The following CCDC47 variants were observed in gnomAD, a reference collection of about 807,000 sequenced individuals.
The protein encoded by CCDC47 is coiled-coil domain containing 47.
CCDC47 carries 41 observed loss-of-function variants against 60.5 expected under a neutral mutation model. The observed-to-expected ratio is 0.68, with a 90% confidence interval of 0.53 to 0.88. The LOEUF (loss-of-function observed/expected upper bound fraction) is 0.88, where lower values mean the gene tolerates loss of function less well. Among genes scored for constraint, CCDC47 ranks in the 40% least tolerant of loss-of-function variants. CCDC47 has a pLI of 0.00. For synonymous variants in CCDC47, 195 were observed against 190.7 expected (o/e 1.02, Z -0.18); for missense variants, 513 against 580.9 (o/e 0.88, Z 1.20).
At chr17:63,761,405 G>C in intron 4 of CCDC47, 54 bp from the exon 5 acceptor site, 1 of 1,607,780 alleles carries the variant, frequency 6.2e-7, no homozygotes. Flanking sequence ...GGCCGGGCCG[G>C]GGGTGGTGGC....
At position 63,760,962 on chromosome 17, in the gene CCDC47, G is replaced by C. The variant is rs1293011237; in HGVS notation, c.687C>G (p.Asp229Glu). Residue 229 changes from aspartate to glutamate, a missense_variant, in exon 6 of 13, where the codon GAC becomes GAG. Transcript: ENST00000225726. ...LIQLRFLKRQ[D>E]LLNVLARMMR... is the part of the protein sequence containing the mutation. ...TCATCCGGGCCAGGACATTCAGTAA[G>C]TCTTGTCTCTTGAGGAACTGAAAAA... 6.2e-7 allele frequency: 1 copy of C among 1,613,338 alleles called. No individual in the cohort carries two copies. Among genetic ancestry groups the C allele is most frequent in the Non-Finnish European group, 8.5e-7 (1 of 1,179,626 alleles).
chr17:63,761,962 A>C, intron 4 of CCDC47: 1 of 730,006 alleles, frequency 1.4e-6, no homozygotes, highest in South Asian at 6.2e-5. Flanking sequence ...GAAAAAAATC[A>C]GTTGAAATAT....
chr17:63,753,101 T>C (rs534109651), intron 9 of CCDC47: 1 of 358,626 alleles, frequency 2.8e-6, no homozygotes, highest in Non-Finnish European at 3.9e-6. Flanking sequence ...TATTTAAGTA[T>C]GAGGCCCATA....
chr17:63,764,754 T>G lies in CCDC47; in HGVS notation c.358A>C (p.Ile120Leu). Reference protein sequence around the residue: ...DTSSSKNKDPITIVDVPAHLQ... With the variant: ...DTSSSKNKDPLTIVDVPAHLQ... The stretch of plus-strand genomic sequence containing the variant: ...TGGATACCTACATCAACAATCGTTA[T>G]TGGGTCTTTATTTTTGCTAGAAGAA... Residue 120 changes from isoleucine to leucine, a missense_variant, in exon 3 of 13, where the codon ATA becomes CTA. Transcript: ENST00000225726. 6.2e-7 allele frequency: 1 copy of G among 1,612,804 alleles called. No individual in the cohort carries two copies. The highest frequency in any genetic ancestry group is 2.2e-5 in the East Asian group (1 of 44,840).
intron 4 of CCDC47, among the ~76,000 whole-genome samples, chr17:63,763,200 C>A (rs543934579): frequency 2.6e-5 from 4 of 152,086 alleles, no homozygotes. Flanking sequence ...TGGAATTACA[C>A]GTGTGAGCCA....
In CCDC47 at chr17:63,763,792, C is replaced by T. The variant is rs924335820; in HGVS notation, c.547+224G>A. On this transcript the variant is annotated intron_variant, in intron 4 of 12. Coordinates refer to ENST00000225726, the MANE Select transcript of CCDC47 (RefSeq NM_020198.3). ...TGAGCCGAGATCGCGCCACTGCACT[C>T]CAGCCTGGTGACAGAGTGAGACTCC... Among the ~76,000 whole-genome samples the T allele has an allele frequency of 2.0e-5, 3 of 151,332 alleles. No individual in the cohort carries two copies. In the South Asian group the frequency reaches 6.3e-4, roughly 32 times the overall value.
At chr17:63,770,560 A>G (rs117082006) in intron 1 of CCDC47, among the ~76,000 whole-genome samples, 2,381 of 152,158 alleles carry the variant, frequency 0.016, 26 homozygotes, top group Non-Finnish European at 0.025. Context: ...AATATGTACT[A>G]CTCTTTCAAG....
intron 12 of CCDC47, among the ~76,000 whole-genome samples, chr17:63,749,908 T>C (rs1196204496): frequency 6.6e-6 from 1 of 152,016 alleles, no homozygotes; most frequent in East Asian, 1.9e-4. Flanking sequence ...CGAGCTACGA[T>C]TTTGCCACTG....
chr17:63,758,847 T>C (rs2039227576), intron 6 of CCDC47, among the ~76,000 whole-genome samples: 1 of 152,156 alleles, frequency 6.6e-6, no homozygotes, highest in South Asian at 2.1e-4. Flanking sequence ...CTTCCATCAT[T>C]GATGGGAAAT....
At chr17:63,765,209 A>G (rs2039289075) in intron 2 of CCDC47, 1 of 153,374 alleles carries the variant, frequency 6.5e-6, no homozygotes, top group African/African-American at 2.4e-5. Flanking sequence ...TATTGTATGT[A>G]GAGGTATACC....
chr17:63,754,839 C>T (rs147290577), intron 8 of CCDC47, among the ~76,000 whole-genome samples: 30 of 150,294 alleles, frequency 2.0e-4, no homozygotes, highest in African/African-American at 6.4e-4. Flanking sequence ...GCAGAGACCA[C>T]GCCACTGTAC....
At chr17:63,765,020 GA>G (rs770901855) in intron 2 of CCDC47, 173 bp from the exon 3 acceptor site, 396 of 967,212 alleles carry the variant, frequency 4.1e-4, no homozygotes, top group Non-Finnish European at 4.7e-4. Flanking sequence ...CTTAAAATGA[GA>G]AAGTTCTGAA....
intron 12 of CCDC47, chr17:63,747,184 G>A (rs1281943609): frequency 1.3e-5 from 13 of 983,602 alleles, no homozygotes; most frequent in Non-Finnish European, 1.6e-5. Flanking sequence ...TGAAGCAAAG[G>A]TAAACTAAAA....
intron 12 of CCDC47, chr17:63,747,284 G>T (rs1190245348): frequency 1.0e-6 from 1 of 984,686 alleles, no homozygotes; most frequent in Non-Finnish European, 1.2e-6. Context: ...TTAGCCTGAT[G>T]TTCACCATAC....
In CCDC47 at chr17:63,771,045, G is replaced by GAAGGAAGGAAGGAAGGAAGGAAGAAAGA. The variant is rs759971442; in HGVS notation, c.-20+2366_-20+2367insTCTTTCTTCCTTCCTTCCTTCCTTCCTT. On this transcript the variant is annotated intron_variant, in intron 1 of 12. Transcript: ENST00000225726. ...GGAAGGAAGGAAGGAAGGAAGGAAG[G>GAAGGAAGGAAGGAAGGAAGGAAGAAAGA]AAGAAAGAAAGAAAGAAATTAAATG... 2.1e-3 allele frequency among the ~76,000 whole-genome samples: 210 copies of GAAGGAAGGAAGGAAGGAAGGAAGAAAGA among 97,750 alleles called. 3 individuals are homozygous for GAAGGAAGGAAGGAAGGAAGGAAGAAAGA. The highest frequency in any genetic ancestry group is 3.3e-3 in the Non-Finnish European group (167 of 50,490). The allele number at this position is 97,750 out of a possible 152,430, so 64.1% of individuals were successfully genotyped here.
intron 9 of CCDC47, among the ~76,000 whole-genome samples, chr17:63,754,017 A>T (rs2039186134): frequency 6.6e-6 from 1 of 152,186 alleles, no homozygotes; most frequent in Non-Finnish European, 1.5e-5. Flanking sequence ...GAGACAGGAG[A>T]ATTGCTTGAA....
intron 1 of CCDC47, chr17:63,772,780 G>A (rs2039358367): frequency 1.3e-5 from 2 of 152,206 alleles, no homozygotes; most frequent in South Asian, 4.1e-4. Context: ...TTTTTACCTT[G>A]GTTTTCCCTC....
At chr17:63,749,441 T>G (rs1308398806) in intron 12 of CCDC47, among the ~76,000 whole-genome samples, 1 of 105,454 alleles carries the variant, frequency 9.5e-6, no homozygotes, top group African/African-American at 3.9e-5. Context: ...ATTTCCCCAC[T>G]ACCAGAATAA....
At chr17:63,747,421 C>T (rs918407243) in intron 12 of CCDC47, 1 of 984,042 alleles carries the variant, frequency 1.0e-6, no homozygotes. Context: ...GCACAGACAC[C>T]ATACCTGCAC....
Sources: gnomAD v4.1 joint callset for allele counts (sites outside exome capture counted in the v4.1 genomes callset) on GRCh38, gnomAD v4.1.1 for gene constraint, MANE v1.5 for transcripts, NCBI Gene and HGNC (gene_info 2026-07-23, HGNC 2026-07-21) for gene names.